The following ANGPT2 variants were observed in gnomAD, a reference collection of about 807,000 sequenced individuals.
ANGPT2 encodes angiopoietin-2.
In ANGPT2, 28 loss-of-function variants were observed where a neutral mutation model predicts 62.9. The ratio of observed to expected loss-of-function variants is 0.44; its 90% CI spans 0.33 to 0.61. The LOEUF is 0.61. Ranked by LOEUF, ANGPT2 falls within the 20% of genes least tolerant of loss-of-function variation. ANGPT2 has a pLI of 0.03. For missense variants in ANGPT2, 727 were observed against 594.9 expected (o/e 1.22, Z -2.31); for synonymous variants, 284 against 207.8 (o/e 1.37, Z -3.15).
intron 5 of ANGPT2, among the ~76,000 whole-genome samples, chr8:6,519,115 G>A (rs1816832510): frequency 6.6e-6 from 1 of 152,198 alleles, no homozygotes; most frequent in Non-Finnish European, 1.5e-5. Context: ...AGAAGAAAAT[G>A]AACACTGTCT....
intron 8 of ANGPT2, chr8:6,507,472 A>G (rs17077200): frequency 1.3e-5 from 2 of 150,770 alleles, no homozygotes; most frequent in Non-Finnish European, 2.9e-5. Flanking sequence ...ACTTGACAGC[A>G]TTTGTCACAC....
intron 1 of ANGPT2, among the ~76,000 whole-genome samples, chr8:6,549,752 C>T (rs534654699): frequency 1.3e-5 from 2 of 151,970 alleles, no homozygotes; most frequent in South Asian, 2.1e-4. Context: ...GAGGGAGCCA[C>T]GTGCAGGGCA....
intron 1 of ANGPT2, among the ~76,000 whole-genome samples, chr8:6,540,047 C>G (rs1821258154): frequency 6.6e-6 from 1 of 152,182 alleles, no homozygotes; most frequent in South Asian, 2.1e-4. Context: ...GGCATTCTAA[C>G]ATTAATAGTC....
At chr8:6,549,300 G>A (rs1388786891) in intron 1 of ANGPT2, among the ~76,000 whole-genome samples, 1 of 152,228 alleles carries the variant, frequency 6.6e-6, no homozygotes, top group Non-Finnish European at 1.5e-5. Flanking sequence ...ACTTTAACAT[G>A]CACAACAACA....
At chr8:6,527,947 G>A (rs1372898018) in intron 2 of ANGPT2, among the ~76,000 whole-genome samples, 2 of 145,092 alleles carry the variant, frequency 1.4e-5, no homozygotes, top group Non-Finnish European at 1.5e-5. Context: ...CCGGGGTGGA[G>A]TGCAGTGGCA....
At chr8:6,545,376 A>G (rs555940698) in intron 1 of ANGPT2, among the ~76,000 whole-genome samples, 9 of 152,228 alleles carry the variant, frequency 5.9e-5, no homozygotes, top group Non-Finnish European at 1.2e-4. Context: ...TAAAAACTAA[A>G]AGACATTTAG....
chr8:6,547,040 CACGTGTTCCGTG>C (rs1822719408), intron 1 of ANGPT2, among the ~76,000 whole-genome samples: 1 of 152,114 alleles, frequency 6.6e-6, no homozygotes, highest in Admixed American at 6.5e-5. Flanking sequence ...GAGCAACATG[CACGTGTTCCGTG>C]TGTACCGTGG....
rs2129562868 is a variant in ANGPT2, at chr8:6,501,190, G to C, written c.*1911C>G. On this transcript the variant is annotated 3_prime_UTR_variant, in exon 9 of 9. Coordinates refer to ENST00000629816, the MANE Select transcript of ANGPT2 (RefSeq NM_001118887.2). ...ATAAAACAGAGCCTTGACTTTGCCA[G>C]AGTCCATCATTGACTCCAAATATGT... The C allele has an allele frequency of 6.6e-6, 1 of 152,314 alleles. No homozygotes were observed. Among genetic ancestry groups the C allele is most frequent in the East Asian group, 1.9e-4 (1 of 5,188 alleles). 9.4% of individuals were successfully genotyped at this position (152,314 alleles called of 1,614,324 possible).
chr8:6,503,114 G>T lies in ANGPT2; in HGVS notation c.1475C>A (p.Pro492Gln). Reference protein sequence around the residue: ...SLKATTMMIRPADF With the variant: ...SLKATTMMIRQADF ...GGACTGGGATGTTTAGAAATCTGCTGGTCGGATCATCATGGTTGTGGCCTT... is the reference window on the plus strand; with the variant it reads ...GGACTGGGATGTTTAGAAATCTGCTTGTCGGATCATCATGGTTGTGGCCTT... The change falls in exon 9 of 9, where the codon CCA becomes CAA. Residue 492 changes from proline to glutamine, a missense_variant. Transcript: ENST00000629816. The T allele has an allele frequency of 1.2e-6, 2 of 1,614,150 alleles. No individual in the cohort carries two copies. The highest frequency in any genetic ancestry group is 1.7e-6 in the Non-Finnish European group (2 of 1,180,028).
intron 1 of ANGPT2, among the ~76,000 whole-genome samples, chr8:6,540,526 A>T (rs1415055889): frequency 6.6e-6 from 1 of 152,232 alleles, no homozygotes; most frequent in Non-Finnish European, 1.5e-5. Context: ...ATGGCACGTT[A>T]TGCATACCTG....
chr8:6,552,373 C>T (rs542020562), intron 1 of ANGPT2, among the ~76,000 whole-genome samples: 23 of 152,328 alleles, frequency 1.5e-4, no homozygotes, highest in African/African-American at 5.5e-4. Flanking sequence ...CAGAGGCACT[C>T]ATGCAATATG....
intron 7 of ANGPT2, 77 bp from the exon 8 acceptor site, chr8:6,509,139 G>A: frequency 6.5e-7 from 1 of 1,546,438 alleles, no homozygotes; most frequent in Non-Finnish European, 8.7e-7. Context: ...TTGTGATGAA[G>A]AATTCCATTC....
At chr8:6,541,678 G>A (rs946593714) in intron 1 of ANGPT2, among the ~76,000 whole-genome samples, 1 of 152,162 alleles carries the variant, frequency 6.6e-6, no homozygotes, top group African/African-American at 2.4e-5. Context: ...AGAGATAGAA[G>A]AAAATATAAA....
At chr8:6,504,821 C>T (rs956044142) in intron 8 of ANGPT2, among the ~76,000 whole-genome samples, 2 of 152,000 alleles carry the variant, frequency 1.3e-5, no homozygotes, top group Admixed American at 6.6e-5. Flanking sequence ...TATGTGTGAA[C>T]AGGAAAAAAT....
intron 3 of ANGPT2, among the ~76,000 whole-genome samples, chr8:6,523,757 T>C (rs540495164): frequency 6.6e-6 from 1 of 152,242 alleles, no homozygotes; most frequent in Non-Finnish European, 1.5e-5. Context: ...CCAGCTAATT[T>C]TTTGTATTTT....
At chr8:6,514,644 A>T (rs1352597016) in intron 6 of ANGPT2, 33 bp downstream of exon 6, 1 of 1,588,040 alleles carries the variant, frequency 6.3e-7, no homozygotes, top group Non-Finnish European at 8.6e-7. Context: ...CACAAGGGAA[A>T]TTCTTTTCTG....
chr8:6,548,987 A>G (rs995622782), intron 1 of ANGPT2, among the ~76,000 whole-genome samples: 1 of 152,230 alleles, frequency 6.6e-6, no homozygotes, highest in South Asian at 2.1e-4. Context: ...GAATCAATCT[A>G]TTCCTCAAAA....
Position 6,528,648 on chromosome 8 carries a change from C to G in ANGPT2, c.445-972G>C, listed in dbSNP as rs141013359. 1.8e-3 allele frequency among the ~76,000 whole-genome samples: 274 copies of G among 152,378 alleles called. 6 individuals carry two copies. In the South Asian group the frequency reaches 0.031, roughly 17 times the overall value. ...GCAGTGCGGCTCTCCCGCGGATTCTCTAGCGCCTGGTTGCCCTTCAGCAGG... is the reference window on the plus strand; with the variant it reads ...GCAGTGCGGCTCTCCCGCGGATTCTGTAGCGCCTGGTTGCCCTTCAGCAGG... On this transcript the variant is annotated intron_variant, in intron 2 of 8. Coordinates refer to ENST00000629816, the MANE Select transcript of ANGPT2 (RefSeq NM_001118887.2).
intron 1 of ANGPT2, among the ~76,000 whole-genome samples, chr8:6,558,772 C>G (rs1162585145): frequency 6.6e-6 from 1 of 151,860 alleles, no homozygotes; most frequent in Non-Finnish European, 1.5e-5. Context: ...TCAGACAACC[C>G]CATTTAGTAA....
Sources: gnomAD v4.1 joint callset for allele counts (sites outside exome capture counted in the v4.1 genomes callset) on GRCh38, gnomAD v4.1.1 for gene constraint, MANE v1.5 for transcripts, NCBI Gene and HGNC (gene_info 2026-07-23, HGNC 2026-07-21) for gene names.